PTPRD: variants seen among roughly 807,000 people sequenced by gnomAD.
PTPRD encodes protein tyrosine phosphatase receptor type D.
Under a neutral mutation model 214.5 loss-of-function variants are expected in PTPRD, and 34 were observed. That is an observed-to-expected ratio of 0.16 (90% CI 0.12 to 0.21). The LOEUF (loss-of-function observed/expected upper bound fraction) is 0.21, where lower values mean the gene tolerates loss of function less well. PTPRD is among the 10% of genes least tolerant of loss of function. PTPRD has a pLI of 1.00. For missense variants in PTPRD, 2,545 were observed against 2,398.7 expected, an observed-to-expected ratio of 1.06 and a Z score of -1.27; for synonymous variants, 1,128 against 845.7, an observed-to-expected ratio of 1.33 and a Z score of -5.79.
At chr9:8,689,801 A>G (rs1208125989) in intron 12 of PTPRD, among the ~76,000 whole-genome samples, 2 of 152,164 alleles carry the variant, frequency 1.3e-5, no homozygotes, top group Non-Finnish European at 2.9e-5. Flanking sequence ...GGGAATACTT[A>G]TTTGGATAGA....
chr9:8,879,924 A>C (rs1283786932), intron 11 of PTPRD, among the ~76,000 whole-genome samples: 1 of 152,170 alleles, frequency 6.6e-6, no homozygotes, highest in African/African-American at 2.4e-5. Context: ...AGTTCACAGA[A>C]AAGGAGCAAC....
At chr9:9,444,553 G>C (rs2089662607) in intron 8 of PTPRD, among the ~76,000 whole-genome samples, 1 of 152,126 alleles carries the variant, frequency 6.6e-6, no homozygotes, top group Non-Finnish European at 1.5e-5. Context: ...AATAAACACA[G>C]ATGTTTTTAT....
At chr9:10,473,512 G>C (rs184455418) in intron 2 of PTPRD, among the ~76,000 whole-genome samples, 1 of 152,108 alleles carries the variant, frequency 6.6e-6, no homozygotes, top group Admixed American at 6.6e-5. Flanking sequence ...GCTTGCACAT[G>C]CGTGAGTGTG....
At chr9:10,075,369 C>G (rs1033680365) in intron 3 of PTPRD, among the ~76,000 whole-genome samples, 13 of 152,046 alleles carry the variant, frequency 8.6e-5, no homozygotes, top group Admixed American at 2.0e-4. Context: ...CAAAACATAT[C>G]TAAGCCAACT....
intron 10 of PTPRD, among the ~76,000 whole-genome samples, chr9:9,141,007 A>G (rs1174849401): frequency 6.6e-6 from 1 of 152,140 alleles, no homozygotes; most frequent in Non-Finnish European, 1.5e-5. Flanking sequence ...AAGACATATA[A>G]ACAAAATTAT....
intron 8 of PTPRD, among the ~76,000 whole-genome samples, chr9:9,546,281 A>T (rs545087144): frequency 1.4e-3 from 218 of 151,804 alleles, no homozygotes; most frequent in African/African-American, 4.9e-3. Context: ...TGAGAAAAAA[A>T]AATAGTGTGT....
intron 7 of PTPRD, among the ~76,000 whole-genome samples, chr9:9,674,846 G>C (rs992566882): frequency 5.3e-5 from 8 of 151,792 alleles, no homozygotes; most frequent in Admixed American, 3.9e-4. Flanking sequence ...AGCTGGTGTT[G>C]AGCAAGGAAG....
At chr9:9,728,071 G>A (rs775121397) in intron 7 of PTPRD, among the ~76,000 whole-genome samples, 54 of 152,022 alleles carry the variant, frequency 3.6e-4, no homozygotes, top group Non-Finnish European at 7.1e-4. Context: ...GCGATCTGAC[G>A]GCTTTATAAG....
intron 8 of PTPRD, among the ~76,000 whole-genome samples, chr9:9,417,216 C>T (rs1022095265): frequency 6.6e-5 from 10 of 152,036 alleles, no homozygotes; most frequent in African/African-American, 2.4e-4. Context: ...GGAAAGCTGT[C>T]ACAGATACAA....
chr9:8,867,863 A>C (rs1458228498), intron 11 of PTPRD, among the ~76,000 whole-genome samples: 1 of 152,226 alleles, frequency 6.6e-6, no homozygotes, highest in African/African-American at 2.4e-5. Flanking sequence ...GCACCTGCAG[A>C]ATGTCCTATC....
intron 14 of PTPRD, among the ~76,000 whole-genome samples, chr9:8,571,540 C>A (rs763553522): frequency 6.6e-6 from 1 of 151,998 alleles, no homozygotes; most frequent in Non-Finnish European, 1.5e-5. Context: ...GTTAAGCAGT[C>A]CAAAAATCAA....
intron 7 of PTPRD, among the ~76,000 whole-genome samples, chr9:9,625,328 C>T (rs1463291263): frequency 2.0e-5 from 3 of 152,172 alleles, no homozygotes; most frequent in Non-Finnish European, 4.4e-5. Context: ...TGGCTGGTGT[C>T]TGATGTGCTG....
chr9:9,398,753 A>G (rs2141245937), intron 8 of PTPRD, among the ~76,000 whole-genome samples: 1 of 152,062 alleles, frequency 6.6e-6, no homozygotes, highest in South Asian at 2.1e-4. Flanking sequence ...CACAGGGTTA[A>G]ATTTTGTATA....
intron 35 of PTPRD, among the ~76,000 whole-genome samples, chr9:8,405,266 T>C (rs2092852749): frequency 6.6e-6 from 1 of 152,212 alleles, no homozygotes; most frequent in South Asian, 2.1e-4. Context: ...GTTAATTTAA[T>C]ACTCAGATGA....
intron 5 of PTPRD, among the ~76,000 whole-genome samples, chr9:9,796,702 G>C (rs377577528): frequency 6.6e-6 from 1 of 152,138 alleles, no homozygotes; most frequent in Non-Finnish European, 1.5e-5. Context: ...AATTTGGAAG[G>C]TAAAGTCGGA....
intron 2 of PTPRD, among the ~76,000 whole-genome samples, chr9:10,446,883 C>A (rs962661897): frequency 2.0e-5 from 3 of 152,154 alleles, no homozygotes; most frequent in Admixed American, 6.5e-5. Flanking sequence ...CCACAGCATA[C>A]TGCCCATGCT....
intron 8 of PTPRD, among the ~76,000 whole-genome samples, chr9:9,540,777 C>A (rs1266062100): frequency 6.6e-6 from 1 of 151,678 alleles, no homozygotes; most frequent in Non-Finnish European, 1.5e-5. Flanking sequence ...TAAATGAAAT[C>A]ATCTACTTAA....
intron 3 of PTPRD, among the ~76,000 whole-genome samples, chr9:10,198,461 A>G (rs1033764823): frequency 6.6e-6 from 1 of 152,124 alleles, no homozygotes; most frequent in East Asian, 1.9e-4. Flanking sequence ...ATAGAAGCTG[A>G]AAGTTGTAAT....
intron 6 of PTPRD, among the ~76,000 whole-genome samples, chr9:9,739,859 G>GT (rs1474791976): frequency 6.6e-6 from 1 of 151,816 alleles, no homozygotes; most frequent in Non-Finnish European, 1.5e-5. Flanking sequence ...GGTTTCACTT[G>GT]TAATACTGGC....
Sources: allele counts gnomAD v4.1 joint callset (sites outside exome capture counted in the v4.1 genomes callset), GRCh38; gene constraint gnomAD v4.1.1; transcripts MANE v1.5; gene names NCBI Gene and HGNC (gene_info 2026-07-23, HGNC 2026-07-21).